C1orf159: variants seen among roughly 807,000 people sequenced by gnomAD.
C1orf159 encodes uncharacterized protein C1orf159.
C1orf159 carries 19 observed loss-of-function variants against 25.6 expected under a neutral mutation model. The ratio of observed to expected loss-of-function variants is 0.74; its 90% CI spans 0.52 to 1.09. C1orf159 has a LOEUF of 1.09. Among genes scored for constraint, C1orf159 ranks in the 50% least tolerant of loss-of-function variants. The probability of loss-of-function intolerance (pLI) is 0.00; values close to 1 mark genes in which losing one functional copy is unlikely to be tolerated. For missense variants in C1orf159, 274 were observed against 290.6 expected (o/e 0.94, Z 0.42); for synonymous variants, 139 against 124.7 (o/e 1.12, Z -0.77).
intron 1 of C1orf159, among the ~76,000 whole-genome samples, chr1:1,107,529 C>A (rs1646190580): frequency 6.6e-6 from 1 of 152,196 alleles, no homozygotes; most frequent in African/African-American, 2.4e-5. Flanking sequence ...ACTTGGAGAA[C>A]TTTTACGTCT....
At chr1:1,085,151 T>G in intron 7 of C1orf159, 1 of 293,822 alleles carries the variant, frequency 3.4e-6, no homozygotes. Context: ...CGAGAGAGGT[T>G]GAGGGGGATG....
chr1:1,094,494 G>A (rs1351953324), intron 1 of C1orf159, among the ~76,000 whole-genome samples: 2 of 151,910 alleles, frequency 1.3e-5, no homozygotes, highest in Admixed American at 6.6e-5. Context: ...CCCGCCTTCT[G>A]GGTTCACACC....
chr1:1,109,481 CT>C (rs908876451), intron 1 of C1orf159, among the ~76,000 whole-genome samples: 1 of 151,590 alleles, frequency 6.6e-6, no homozygotes, highest in African/African-American at 2.4e-5. Flanking sequence ...TTCTTTCTTT[CT>C]TTTAGAGATG....
chr1:1,089,854 G>A lies in C1orf159; in HGVS notation c.148+499C>T, dbSNP rs1174801798. 3.3e-5 allele frequency among the ~76,000 whole-genome samples: 5 copies of A among 152,122 alleles called. No homozygotes were observed. The highest frequency in any genetic ancestry group is 7.2e-5 in the African/African-American group (3 of 41,432). On this transcript the variant is annotated intron_variant, in intron 4 of 9. Coordinates refer to ENST00000421241, the MANE Select transcript of C1orf159 (RefSeq NM_017891.5). The surrounding 1 kb of genome is among the most constrained non-coding windows in gnomAD (Gnocchi z 7.5). Reference sequence around the variant, plus strand: ...CAGCTGCCCCCAGACAGTCCCTTCCGCAGCCTCCCAGAACCTCTGATGAAC... The same window carrying A: ...CAGCTGCCCCCAGACAGTCCCTTCCACAGCCTCCCAGAACCTCTGATGAAC...
intron 1 of C1orf159, among the ~76,000 whole-genome samples, chr1:1,108,563 A>G (rs1284769680): frequency 1.3e-4 from 17 of 133,282 alleles, no homozygotes; most frequent in African/African-American, 4.4e-4. Context: ...CACAGCCACC[A>G]TGTCTCGGCA....
In C1orf159 at chr1:1,082,633, A is replaced by C. The variant is rs1284188555; in HGVS notation, c.*260T>G. Reference sequence around the variant, plus strand: ...TTTCCTGGGGGGGCCCGGACCCCCCAAGGCCTCGATCTGAAGCTCTGAGGT... The same window carrying C: ...TTTCCTGGGGGGGCCCGGACCCCCCCAGGCCTCGATCTGAAGCTCTGAGGT... On this transcript the variant is annotated 3_prime_UTR_variant, in exon 10 of 10. Transcript: ENST00000421241. 3.9e-6 allele frequency: 2 copies of C among 516,402 alleles called. No individual in the cohort carries two copies. Among genetic ancestry groups the C allele is most frequent in the Admixed American group, 3.4e-5 (1 of 29,384 alleles). 32.0% of individuals were successfully genotyped at this position (516,402 alleles called of 1,614,324 possible).
intron 1 of C1orf159, among the ~76,000 whole-genome samples, chr1:1,102,414 C>G (rs1570327832): frequency 1.3e-5 from 2 of 150,260 alleles, no homozygotes; most frequent in East Asian, 3.9e-4. Flanking sequence ...ATTTCTATTC[C>G]TCTGTCTTTG....
intron 6 of C1orf159, 65 bp from the exon 7 acceptor site, chr1:1,086,077 G>A (rs1645825832): frequency 6.3e-6 from 10 of 1,579,748 alleles, no homozygotes; most frequent in Non-Finnish European, 7.7e-6. Context: ...CTGGCCCCCG[G>A]TGCCCCCTGC....
At chr1:1,102,566 G>A (rs1283402242) in intron 1 of C1orf159, among the ~76,000 whole-genome samples, 2 of 136,694 alleles carry the variant, frequency 1.5e-5, no homozygotes, top group East Asian at 4.7e-4. Context: ...GATCACCTGA[G>A]GTCAGTTCAA....
intron 1 of C1orf159, among the ~76,000 whole-genome samples, chr1:1,097,950 G>A (rs546306549): frequency 4.0e-5 from 6 of 151,630 alleles, no homozygotes; most frequent in East Asian, 1.9e-4. Context: ...GCCTTTACAC[G>A]CACTTAGTTA....
At chr1:1,088,044 A>C (rs1645862316) in intron 4 of C1orf159, among the ~76,000 whole-genome samples, 1 of 151,318 alleles carries the variant, frequency 6.6e-6, no homozygotes, top group Non-Finnish European at 1.5e-5. Flanking sequence ...TGTTGGAGGG[A>C]CTCGTGCTCT....
intron 9 of C1orf159, chr1:1,084,109 G>A (rs1317676378): frequency 1.3e-6 from 2 of 1,586,474 alleles, no homozygotes; most frequent in Non-Finnish European, 1.7e-6. Context: ...AAAGAGCATG[G>A]AAGTCACGGG....
In C1orf159 at chr1:1,090,737, C is replaced by T; in HGVS notation, c.73-309G>A. 4.9e-6 allele frequency: 4 copies of T among 817,772 alleles called. No individual in the cohort carries two copies. The South Asian group carries it at 5.9e-5, about 12-fold the overall frequency. The allele number at this position is 817,772 out of a possible 1,614,324, so 50.7% of individuals were successfully genotyped here. A position where few individuals can be genotyped will look rare whatever the true frequency, so the allele number is the denominator to read the frequency against. ...ATGGCAGCGCCACCGACATTCTCTG[C>T]AAGTCTCCGGAGGCTCTCCATCAGG... On this transcript the variant is annotated intron_variant, in intron 3 of 9. Coordinates refer to ENST00000421241, the MANE Select transcript of C1orf159 (RefSeq NM_017891.5).
chr1:1,114,158 G>A (rs922162882), intron 1 of C1orf159, among the ~76,000 whole-genome samples: 2 of 151,652 alleles, frequency 1.3e-5, no homozygotes, highest in African/African-American at 2.4e-5. Flanking sequence ...CTTCTGATCC[G>A]CCCCCCTCCC....
At chr1:1,085,368 C>T in intron 7 of C1orf159, 1 of 340,210 alleles carries the variant, frequency 2.9e-6, no homozygotes, top group South Asian at 2.1e-5. Context: ...CGCCTGAAGG[C>T]ACCACAGTCA....
chr1:1,085,222 C>T (rs563768791), intron 7 of C1orf159: 176 of 400,396 alleles, frequency 4.4e-4, no homozygotes, highest in South Asian at 1.1e-3. Flanking sequence ...GGCCCCAGCT[C>T]GGCTATCACA....
At position 1,092,024 on chromosome 1, in the gene C1orf159, C is replaced by T. The variant is rs1271973155; in HGVS notation, c.-56G>A. On this transcript the variant is annotated 5_prime_UTR_variant, in exon 2 of 10. Coordinates refer to ENST00000421241, the MANE Select transcript of C1orf159 (RefSeq NM_017891.5). ...CCAGGATGGGGACTACCGACATCAGCCCTTTGCCCGCCTGGGTGTTCAGGG... is the reference window on the plus strand; with the variant it reads ...CCAGGATGGGGACTACCGACATCAGTCCTTTGCCCGCCTGGGTGTTCAGGG... 1.1e-5 allele frequency: 5 copies of T among 456,516 alleles called. No individual in the cohort carries two copies. The highest frequency in any genetic ancestry group is 9.4e-5 in the Admixed American group (4 of 42,542). 28.3% of individuals were successfully genotyped at this position (456,516 alleles called of 1,614,324 possible).
intron 1 of C1orf159, among the ~76,000 whole-genome samples, chr1:1,093,750 C>T (rs924370332): frequency 6.6e-6 from 1 of 152,214 alleles, no homozygotes; most frequent in Admixed American, 6.5e-5. Context: ...GATGGAGCTG[C>T]GGCCAAGGTC....
At chr1:1,085,103 G>A (rs1055457026) in intron 7 of C1orf159, 5 of 266,764 alleles carry the variant, frequency 1.9e-5, no homozygotes, top group Middle Eastern at 7.2e-4. Context: ...GGAGACCCTG[G>A]CAGCGGGCTC....
Sources: allele counts gnomAD v4.1 joint callset (sites outside exome capture counted in the v4.1 genomes callset), GRCh38; gene constraint gnomAD v4.1.1; non-coding constraint Gnocchi (gnomAD v3.1); transcripts MANE v1.5; gene names NCBI Gene and HGNC (gene_info 2026-07-23, HGNC 2026-07-21).